Variants in PPIE observed in about 807,000 individuals in gnomAD.
The protein encoded by PPIE is peptidyl-prolyl cis-trans isomerase E.
PPIE carries 20 observed loss-of-function variants against 38.4 expected under a neutral mutation model. The observed-to-expected ratio is 0.52, with a 90% CI of 0.37 to 0.76. PPIE has a LOEUF of 0.76. Ranked by LOEUF, PPIE falls within the 30% of genes least tolerant of loss-of-function variation. The pLI is 0.00. For missense variants in PPIE, 322 were observed against 385.8 expected (o/e 0.83, Z 1.39); for synonymous variants, 142 against 135.7 (o/e 1.05, Z -0.32).
intron 9 of PPIE, chr1:39,762,631 C>G: frequency 6.5e-7 from 1 of 1,547,210 alleles, no homozygotes; most frequent in South Asian, 1.2e-5. Flanking sequence ...CTAGAAGCTT[C>G]CTGCCTGCGG....
downstream of PPIE, chr1:39,760,435 G>A (rs781240401): frequency 6.2e-7 from 1 of 1,614,042 alleles, no homozygotes; most frequent in Admixed American, 1.7e-5. Flanking sequence ...GCAGCCGCAG[G>A]CCTTGACCAC....
In PPIE at chr1:39,754,599, G is replaced by T. The variant is rs1302382846; in HGVS notation, c.*1244G>T. Among the ~76,000 whole-genome samples, 2 of 152,138 alleles carry T rather than the reference G, an allele frequency of 1.3e-5. No individual in the cohort carries two copies. The highest frequency in any genetic ancestry group is 6.5e-5 in the Admixed American group (1 of 15,282). On this transcript the variant is annotated 3_prime_UTR_variant, in exon 10 of 10. Transcript: ENST00000324379. Reference sequence around the variant, plus strand: ...AAATAGGCCAGGCATGGTGGCTCATGCCTATAATTCCACCACTATTGGGAG... The same window carrying T: ...AAATAGGCCAGGCATGGTGGCTCATTCCTATAATTCCACCACTATTGGGAG...
chr1:39,757,164 A>G (rs1384202192), downstream of PPIE: 1 of 152,264 alleles, frequency 6.6e-6, no homozygotes, highest in Non-Finnish European at 1.5e-5. Context: ...ACAGCTCTGA[A>G]ATAAATACAT....
chr1:39,741,273 A>G, intron 2 of PPIE, 93 bp from the exon 3 acceptor site: 1 of 1,074,468 alleles, frequency 9.3e-7, no homozygotes, highest in Non-Finnish European at 1.4e-6. Flanking sequence ...TGGTGTTTGG[A>G]TACGACATGT....
At position 39,749,082 on chromosome 1, in the gene PPIE, G is replaced by C; in HGVS notation, c.688G>C (p.Gly230Arg). ...TGAAAACTTTATCCTCAAGCATACG[G>C]GACCAGGTAGGAGCCAGTTGGCATG... is the stretch of plus-strand genomic sequence containing the variant. ...DDENFILKHT[G>R]PGLLSMANSG... Residue 230 changes from glycine (G) to arginine (R), a missense_variant, in exon 8 of 10, where the codon GGA becomes CGA. Physicochemically the swap from Gly to Arg is moderately radical, Grantham distance 125. Transcript: ENST00000324379. 1 of 1,593,930 alleles carries C rather than the reference G, an allele frequency of 6.3e-7. No homozygotes were observed. The highest frequency in any genetic ancestry group is 8.5e-7 in the Non-Finnish European group (1 of 1,170,926).
intron 8 of PPIE, among the ~76,000 whole-genome samples, chr1:39,751,072 C>T (rs1647678355): frequency 6.6e-6 from 1 of 152,252 alleles, no homozygotes; most frequent in East Asian, 1.9e-4. Context: ...TACTCAAACG[C>T]AGCAGTTAGA....
At position 39,755,027 on chromosome 1, in the gene PPIE, C is replaced by G; in HGVS notation, c.*1672C>G. 1.0e-6 allele frequency: 1 copy of G among 985,468 alleles called. No individual in the cohort carries two copies. Among genetic ancestry groups the G allele is most frequent in the Non-Finnish European group, 1.2e-6 (1 of 829,940 alleles). The allele number at this position is 985,468 out of a possible 1,614,324, so 61.0% of individuals were successfully genotyped here. On this transcript the variant is annotated 3_prime_UTR_variant, in exon 10 of 10. Transcript: ENST00000324379. ...CAGGATTGCCAGCCACTGAAGAGAA[C>G]AAATGGTCCCACCCCCTGCTGAGCT... is the stretch of plus-strand genomic sequence containing the variant.
chr1:39,744,276 C>T (rs761196676), intron 6 of PPIE, among the ~76,000 whole-genome samples: 8 of 152,144 alleles, frequency 5.3e-5, no homozygotes, highest in Non-Finnish European at 1.2e-4. Flanking sequence ...AAGAGTTTGC[C>T]ACAAGGGTCG....
In PPIE at chr1:39,739,010, T is replaced by C. The variant is rs997287042; in HGVS notation, c.31+79T>C. Reference sequence around the variant, plus strand: ...CGGGGCGTGGGGTGGGACGCATCTCTGAACCAGGAGGACGGCGAGCTGCTG... The same window carrying C: ...CGGGGCGTGGGGTGGGACGCATCTCCGAACCAGGAGGACGGCGAGCTGCTG... On this transcript the variant is annotated intron_variant, in intron 1 of 9. Coordinates refer to ENST00000324379, the MANE Select transcript of PPIE (RefSeq NM_006112.4). 1.3e-5 allele frequency: 17 copies of C among 1,346,054 alleles called. No individual in the cohort carries two copies. In the East Asian group the frequency reaches 4.7e-4, roughly 37 times the overall value. 83.4% of individuals were successfully genotyped at this position (1,346,054 alleles called of 1,614,324 possible).
At chr1:39,758,273 C>T (rs1379497280), downstream of PPIE, 2 of 152,156 alleles carry the variant, frequency 1.3e-5, no homozygotes, top group East Asian at 3.8e-4. Context: ...CTCATGTCAC[C>T]AGGCTGAAGT....
chr1:39,741,653 T>A (rs1407179818), intron 3 of PPIE: 1 of 624,208 alleles, frequency 1.6e-6, no homozygotes, highest in Non-Finnish European at 2.8e-6. Flanking sequence ...TGCACCCCTG[T>A]TCATTGAGCA....
At chr1:39,740,380 A>G in intron 2 of PPIE, 117 bp downstream of exon 2, 1 of 744,826 alleles carries the variant, frequency 1.3e-6, no homozygotes, top group Non-Finnish European at 2.2e-6. Flanking sequence ...CACTACAGGT[A>G]AGTTCAGGAA....
intron 7 of PPIE, chr1:39,747,455 C>CTTTTTTTTTTTTTTTTTT (rs35755213): frequency 1.4e-5 from 1 of 72,960 alleles, no homozygotes; most frequent in Admixed American, 1.9e-4. Context: ...CACATCTTCT[C>CTTTTTTTTTTTTTTTTTT]TTTTTTTTTT....
downstream of PPIE, among the ~76,000 whole-genome samples, chr1:39,761,566 AG>A (rs1557468975): frequency 1.3e-5 from 2 of 151,972 alleles, no homozygotes; most frequent in Non-Finnish European, 2.9e-5. Flanking sequence ...TCAGACCCCC[AG>A]GCCCTAGGGG....
chr1:39,748,717 A>G (rs560936166), intron 7 of PPIE, 186 bp from the exon 8 acceptor site: 23 of 590,728 alleles, frequency 3.9e-5, no homozygotes, highest in Non-Finnish European at 6.2e-5. Context: ...CATGGGCAAC[A>G]AGAGTGAAAC....
At chr1:39,760,479 G>C (rs766484985), downstream of PPIE, 1 of 1,614,208 alleles carries the variant, frequency 6.2e-7, no homozygotes, top group Non-Finnish European at 8.5e-7. Context: ...TGACATTGTT[G>C]CTGCTGTCAT....
At chr1:39,740,069 G>A (rs2124284333) in intron 1 of PPIE, 96 bp from the exon 2 acceptor site, 1 of 839,682 alleles carries the variant, frequency 1.2e-6, no homozygotes, top group East Asian at 2.5e-5. Flanking sequence ...CTGAATGGAA[G>A]GGTCCTGTCC....
In PPIE at chr1:39,753,010, T is replaced by C. The variant is rs891455922; in HGVS notation, c.795T>C (p.Phe265=). The C allele has an allele frequency of 3.7e-6, 6 of 1,614,084 alleles. No individual in the cohort carries two copies. The African/African-American group carries it at 6.7e-5, about 18-fold the overall frequency. Residue 265 remains phenylalanine, a synonymous_variant, in exon 9 of 10, where the codon TTT becomes TTC. Coordinates refer to ENST00000324379, the MANE Select transcript of PPIE (RefSeq NM_006112.4). ...GGCTGGATGGCAAGCATGTGGTGTT[T>C]GGAGAGGTCACCGAAGGCCTAGATG... The part of the protein sequence containing the change: ...TDWLDGKHVV[F]GEVTEGLDVL...
chr1:39,759,168 A>G (rs1475687484), downstream of PPIE: 1 of 152,170 alleles, frequency 6.6e-6, no homozygotes, highest in African/African-American at 2.4e-5. Context: ...GTTTCCGAGA[A>G]CAGCAGAGGC....
Sources: allele counts gnomAD v4.1 joint callset (sites outside exome capture counted in the v4.1 genomes callset), GRCh38; gene constraint gnomAD v4.1.1; transcripts MANE v1.5; gene names NCBI Gene and HGNC (gene_info 2026-07-23, HGNC 2026-07-21).